LIMS1: variants seen among roughly 807,000 people sequenced by gnomAD.
LIMS1 encodes the protein LIM zinc finger domain containing 1, also known as LIM and senescent cell antigen-like-containing domain protein 1.
A neutral mutation model predicts 44.1 loss-of-function variants in LIMS1; 18 were observed. The observed-to-expected ratio is 0.41, with a 90% CI of 0.28 to 0.61. The LOEUF is 0.61. Among genes scored for constraint, LIMS1 ranks in the 20% least tolerant of loss-of-function variants. The pLI is 0.32. For synonymous variants in LIMS1, 93 were observed against 149.1 expected (o/e 0.62, Z 2.74); for missense variants, 201 against 422.0 (o/e 0.48, Z 4.59).
At chr2:108,546,703 G>A (rs1684494758) in intron 1 of LIMS1, among the ~76,000 whole-genome samples, 1 of 149,230 alleles carries the variant, frequency 6.7e-6, no homozygotes, top group African/African-American at 2.5e-5. Context: ...TAAAGACAAT[G>A]GTATAAATAG....
At chr2:108,543,107 A>G (rs1348120077) in intron 1 of LIMS1, among the ~76,000 whole-genome samples, 1 of 152,240 alleles carries the variant, frequency 6.6e-6, no homozygotes, top group Non-Finnish European at 1.5e-5. Flanking sequence ...TTGTGTGTAC[A>G]AGTCCCATAA....
intron 1 of LIMS1, chr2:108,607,028 A>G: frequency 1.7e-6 from 1 of 587,972 alleles, no homozygotes; most frequent in Non-Finnish European, 3.0e-6. Flanking sequence ...TGAACTTCTA[A>G]CCCCAAAGTA....
intron 1 of LIMS1, among the ~76,000 whole-genome samples, chr2:108,549,145 A>C (rs889275335): frequency 5.9e-5 from 9 of 151,974 alleles, no homozygotes; most frequent in Non-Finnish European, 1.3e-4. Flanking sequence ...AGTATATTTT[A>C]TTTGGTATAT....
intron 7 of LIMS1, among the ~76,000 whole-genome samples, chr2:108,677,091 G>A (rs1392096748): frequency 2.6e-5 from 4 of 152,104 alleles, no homozygotes; most frequent in Non-Finnish European, 5.9e-5. Context: ...TATTGATACC[G>A]TACTCTAACC....
At chr2:108,592,399 G>A (rs1438044503) in intron 1 of LIMS1, among the ~76,000 whole-genome samples, 2 of 152,126 alleles carry the variant, frequency 1.3e-5, no homozygotes, top group African/African-American at 4.8e-5. Context: ...TACTTTATCA[G>A]CCCAGATGGG....
At chr2:108,554,460 G>A (rs1409956176) in intron 1 of LIMS1, among the ~76,000 whole-genome samples, 1 of 152,154 alleles carries the variant, frequency 6.6e-6, no homozygotes, top group Non-Finnish European at 1.5e-5. Flanking sequence ...CTGAAGAAGA[G>A]TATCTTCCTT....
chr2:108,602,311 C>G (rs549679430), intron 1 of LIMS1, among the ~76,000 whole-genome samples: 35 of 152,326 alleles, frequency 2.3e-4, no homozygotes, highest in African/African-American at 8.4e-4. Context: ...ATTGCCCTAG[C>G]TAGCACTTCC....
chr2:108,610,726 A>G (rs1687553435), intron 1 of LIMS1, among the ~76,000 whole-genome samples: 1 of 152,224 alleles, frequency 6.6e-6, no homozygotes, highest in Non-Finnish European at 1.5e-5. Flanking sequence ...TTAATAATAC[A>G]TTTGATTGAT....
rs147658101 is a variant in LIMS1 at position 108,547,578 on chromosome 2, T to G, written c.32+12984T>G. ...GTTGAGATTTGTTCTTTGAGTGTCC[T>G]AGAAGCTAAAGCATAGGAATATAGG... On this transcript the variant is annotated intron_variant, in intron 1 of 9. Coordinates refer to ENST00000544547, the Ensembl canonical transcript of LIMS1. 4.4e-3 allele frequency among the ~76,000 whole-genome samples: 668 copies of G among 152,330 alleles called. 3 individuals are homozygous for G. Among genetic ancestry groups the G allele is most frequent in the South Asian group, 0.014 (68 of 4,828 alleles).
At position 108,672,935 on chromosome 2, in the gene LIMS1, A is replaced by G. The variant is rs758130339; in HGVS notation, c.436A>G (p.Ile146Val). ...GAAAGCCAGAGGCCTTGGGAAATAC[A>G]TCTGCCAGAAATGCCATGCTATCAT... is the stretch of plus-strand genomic sequence containing the variant. Residue 146 changes from isoleucine to valine, a missense_variant, in exon 5 of 10, where the codon ATC becomes GTC. Physicochemically the swap from Ile to Val is conservative, Grantham distance 29. Transcript: ENST00000544547. 134 of 1,009,652 alleles carry G rather than the reference A, an allele frequency of 1.3e-4. No individual in the cohort carries two copies. The highest frequency in any genetic ancestry group is 1.8e-4 in the Non-Finnish European group (123 of 700,344). The allele number at this position is 1,009,652 out of a possible 1,614,324, so 62.5% of individuals were successfully genotyped here.
chr2:108,617,081 C>A (rs1687970156), intron 1 of LIMS1, among the ~76,000 whole-genome samples: 1 of 152,162 alleles, frequency 6.6e-6, no homozygotes, highest in African/African-American at 2.4e-5. Flanking sequence ...AGCTGCTCAA[C>A]CAGTTTACGA....
intron 1 of LIMS1, among the ~76,000 whole-genome samples, chr2:108,575,048 TG>T (rs1433356978): frequency 6.6e-6 from 1 of 152,238 alleles, no homozygotes; most frequent in East Asian, 1.9e-4. Flanking sequence ...CTTTGAAATT[TG>T]GCAGGATACT....
chr2:108,562,861 CCTGG>C (rs1685171610), intron 1 of LIMS1, among the ~76,000 whole-genome samples: 1 of 152,174 alleles, frequency 6.6e-6, no homozygotes, highest in African/African-American at 2.4e-5. Flanking sequence ...GAAGTGAATG[CCTGG>C]CTTCACTGTT....
chr2:108,604,013 G>A (rs1479229496), intron 1 of LIMS1, among the ~76,000 whole-genome samples: 1 of 151,890 alleles, frequency 6.6e-6, no homozygotes. Context: ...ATATCTCATA[G>A]GTTTTAGTAT....
chr2:108,582,139 G>A (rs1212963922), intron 1 of LIMS1, among the ~76,000 whole-genome samples: 3 of 152,292 alleles, frequency 2.0e-5, no homozygotes, highest in South Asian at 2.1e-4. Context: ...CCTGACAAGC[G>A]GTTCCCTTAG....
At chr2:108,610,947 C>A (rs1213410571) in intron 1 of LIMS1, among the ~76,000 whole-genome samples, 1 of 152,168 alleles carries the variant, frequency 6.6e-6, no homozygotes. Context: ...AGCTTCCCCT[C>A]TTGTCAGCAC....
intron 1 of LIMS1, among the ~76,000 whole-genome samples, chr2:108,584,501 G>T (rs1686016533): frequency 6.6e-6 from 1 of 151,912 alleles, no homozygotes. Flanking sequence ...AGTATCTAGT[G>T]TGTCTGCTAG....
At chr2:108,609,980 A>C (rs1180901775) in intron 1 of LIMS1, among the ~76,000 whole-genome samples, 6 of 152,012 alleles carry the variant, frequency 3.9e-5, no homozygotes, top group South Asian at 2.1e-4. Flanking sequence ...GTCTCTACTA[A>C]AAATACAAAA....
chr2:108,652,517 A>G (rs1012972928), intron 1 of LIMS1, among the ~76,000 whole-genome samples: 1 of 152,272 alleles, frequency 6.6e-6, no homozygotes, highest in Non-Finnish European at 1.5e-5. Context: ...TGGTTGCCAG[A>G]GGTTAGGAGT....
Sources: allele counts gnomAD v4.1 joint callset (sites outside exome capture counted in the v4.1 genomes callset), GRCh38; gene constraint gnomAD v4.1.1; transcripts MANE v1.5; gene names NCBI Gene and HGNC (gene_info 2026-07-23, HGNC 2026-07-21).